EEPD1: variants seen among roughly 807,000 people sequenced by gnomAD.
EEPD1 encodes endonuclease/exonuclease/phosphatase family domain containing 1.
Under a neutral mutation model 46.3 loss-of-function variants are expected in EEPD1, and 17 were observed. That is an observed-to-expected ratio of 0.37 (90% confidence interval 0.25 to 0.55). The LOEUF (loss-of-function observed/expected upper bound fraction) is 0.55. Among genes scored for constraint, EEPD1 ranks in the 20% least tolerant of loss-of-function variants. EEPD1 has a pLI of 0.83. For missense variants in EEPD1, 673 were observed against 745.6 expected (o/e 0.90, Z 1.13); for synonymous variants, 313 against 315.6 (o/e 0.99, Z 0.09).
chr7:36,194,491 C>T (rs902919117), intron 2 of EEPD1, among the ~76,000 whole-genome samples: 2 of 152,204 alleles, frequency 1.3e-5, no homozygotes, highest in Non-Finnish European at 2.9e-5. Flanking sequence ...CCTGGTTCCT[C>T]CTCCTGCCCC....
At chr7:36,238,061 T>G (rs1029466717) in intron 2 of EEPD1, among the ~76,000 whole-genome samples, 12 of 152,210 alleles carry the variant, frequency 7.9e-5, no homozygotes, top group Non-Finnish European at 1.5e-4. Flanking sequence ...TTCCCAGAAC[T>G]GAGGGTTCCT....
At chr7:36,167,742 GTC>G (rs567813214) in intron 2 of EEPD1, among the ~76,000 whole-genome samples, 2 of 151,996 alleles carry the variant, frequency 1.3e-5, no homozygotes, top group Non-Finnish European at 2.9e-5. Flanking sequence ...TAGAGACAGA[GTC>G]TCTCTCTGTG....
At chr7:36,236,876 G>A (rs1422663119) in intron 2 of EEPD1, among the ~76,000 whole-genome samples, 1 of 152,202 alleles carries the variant, frequency 6.6e-6, no homozygotes, top group African/African-American at 2.4e-5. Context: ...AGCAGGATGT[G>A]GGTGGGGCCA....
At chr7:36,273,850 C>T (rs765411023) in intron 3 of EEPD1, among the ~76,000 whole-genome samples, 1 of 152,218 alleles carries the variant, frequency 6.6e-6, no homozygotes, top group Non-Finnish European at 1.5e-5. Flanking sequence ...GAGGAAACTT[C>T]CAAAGCCACG....
At chr7:36,162,131 C>G (rs1187876336) in intron 2 of EEPD1, among the ~76,000 whole-genome samples, 1 of 152,196 alleles carries the variant, frequency 6.6e-6, no homozygotes, top group Admixed American at 6.5e-5. Context: ...CTCTACCTGA[C>G]AGGCTGTTAG....
intron 3 of EEPD1, among the ~76,000 whole-genome samples, chr7:36,279,041 T>C: frequency 6.6e-6 from 1 of 152,206 alleles, no homozygotes; most frequent in South Asian, 2.1e-4. Flanking sequence ...CAGGTTACAA[T>C]GGAGGCAACT....
At chr7:36,275,291 G>A (rs1203544355) in intron 3 of EEPD1, among the ~76,000 whole-genome samples, 1 of 152,128 alleles carries the variant, frequency 6.6e-6, no homozygotes, top group Non-Finnish European at 1.5e-5. Context: ...CAGCTGTGTG[G>A]TCACCATTAG....
chr7:36,158,938 T>C (rs2700908), intron 2 of EEPD1, among the ~76,000 whole-genome samples: 54,894 of 152,160 alleles, frequency 0.36, 10,189 homozygotes, highest in Middle Eastern at 0.43. Flanking sequence ...TCATTTTCCC[T>C]GTGGCCTACA....
chr7:36,190,172 G>A (rs1385578427), intron 2 of EEPD1, among the ~76,000 whole-genome samples: 1 of 152,168 alleles, frequency 6.6e-6, no homozygotes, highest in Non-Finnish European at 1.5e-5. Context: ...AGGAATTTGA[G>A]ACCTGCCTGA....
At chr7:36,207,833 T>A (rs1047903293) in intron 2 of EEPD1, among the ~76,000 whole-genome samples, 1 of 151,846 alleles carries the variant, frequency 6.6e-6, no homozygotes, top group South Asian at 2.1e-4. Context: ...CACCATTTCC[T>A]GGAGATTTTG....
In EEPD1 at chr7:36,271,720, C is replaced by CTTCTGGGGTTTTT. The variant is rs60503175; in HGVS notation, c.931-9395_931-9394insTTCTGGGGTTTTT. Among the ~76,000 whole-genome samples, 2 of 55,332 alleles carry CTTCTGGGGTTTTT rather than the reference C, an allele frequency of 3.6e-5. 1 individual carries two copies. The highest frequency in any genetic ancestry group is 8.0e-5 in the Non-Finnish European group (2 of 25,002). 36.3% of individuals were successfully genotyped at this position (55,332 alleles called of 152,430 possible). A position where few individuals can be genotyped will look rare whatever the true frequency, so the allele number is the denominator to read the frequency against. On this transcript the variant is annotated intron_variant, in intron 3 of 7. Transcript: ENST00000242108. ...TCCTGAATGGTATTGCCTAGGTTTTCATGGTTTTAGGTTTTACATTTAAGT... is the reference window on the plus strand; with the variant it reads ...TCCTGAATGGTATTGCCTAGGTTTTCTTCTGGGGTTTTTATGGTTTTAGGTTTTACATTTAAGT...
intron 2 of EEPD1, among the ~76,000 whole-genome samples, chr7:36,175,083 G>A (rs535082329): frequency 2.6e-5 from 4 of 152,318 alleles, no homozygotes; most frequent in African/African-American, 9.6e-5. Flanking sequence ...GGTTTAAACC[G>A]TTGATCCCCT....
At chr7:36,197,925 A>G (rs1244859217) in intron 2 of EEPD1, among the ~76,000 whole-genome samples, 3 of 152,320 alleles carry the variant, frequency 2.0e-5, no homozygotes, top group Non-Finnish European at 4.4e-5. Context: ...AAAAATATGG[A>G]AAATTCAACA....
intron 3 of EEPD1, among the ~76,000 whole-genome samples, chr7:36,239,717 G>A (rs114318176): frequency 0.03 from 4,527 of 152,082 alleles, 231 homozygotes; most frequent in African/African-American, 0.1. Flanking sequence ...GTTCAAGTTC[G>A]GCATGCATGG....
At chr7:36,179,742 G>A (rs1237442956) in intron 2 of EEPD1, among the ~76,000 whole-genome samples, 1 of 149,016 alleles carries the variant, frequency 6.7e-6, no homozygotes, top group Admixed American at 6.7e-5. Flanking sequence ...GCGTGGTGGC[G>A]CATGCCTGTG....
At chr7:36,261,495 G>A (rs1696707452) in intron 3 of EEPD1, among the ~76,000 whole-genome samples, 3 of 152,172 alleles carry the variant, frequency 2.0e-5, no homozygotes, top group South Asian at 4.1e-4. Context: ...CAGCCATGAC[G>A]ACAGGAGTTA....
rs149889865 is a variant in EEPD1 at position 36,165,394 on chromosome 7, G to A, written c.878+10192G>A. On this transcript the variant is annotated intron_variant, in intron 2 of 7. Coordinates refer to ENST00000242108, the MANE Select transcript of EEPD1 (RefSeq NM_030636.3). ...GTGAAGTTTGCACAATGATGAAATC[G>A]CCTAATGATCCATTTCCTTTTTTTT... 2.4e-3 allele frequency among the ~76,000 whole-genome samples: 346 copies of A among 141,920 alleles called. 1 individual carries two copies. The highest frequency in any genetic ancestry group is 8.6e-3 in the African/African-American group (325 of 37,722). The allele number at this position is 141,920 out of a possible 152,430, so 93.1% of individuals were successfully genotyped here.
intron 2 of EEPD1, among the ~76,000 whole-genome samples, chr7:36,220,645 A>G (rs1280156811): frequency 6.6e-6 from 1 of 152,198 alleles, no homozygotes; most frequent in Non-Finnish European, 1.5e-5. Context: ...AGCTAATGGC[A>G]TCGACTCCAT....
At chr7:36,267,895 G>C (rs1583472224) in intron 3 of EEPD1, among the ~76,000 whole-genome samples, 1 of 152,144 alleles carries the variant, frequency 6.6e-6, no homozygotes, top group Admixed American at 6.5e-5. Context: ...CTTATGAGAA[G>C]AGACATGAGA....
Sources: gnomAD v4.1 joint callset for allele counts (sites outside exome capture counted in the v4.1 genomes callset) on GRCh38, gnomAD v4.1.1 for gene constraint, MANE v1.5 for transcripts, NCBI Gene and HGNC (gene_info 2026-07-23, HGNC 2026-07-21) for gene names.